Variants in ANKRD11 observed in about 807,000 individuals in gnomAD.
ANKRD11 encodes the protein ankyrin repeat domain-containing protein 11.
ANKRD11 carries 17 observed loss-of-function variants against 195.7 expected under a neutral mutation model. That is an observed-to-expected ratio of 0.09 (90% CI 0.06 to 0.13). The LOEUF (loss-of-function observed/expected upper bound fraction) is 0.13, where lower values mean the gene tolerates loss of function less well. ANKRD11 is among the 10% of genes least tolerant of loss of function. The pLI is 1.00. For synonymous variants in ANKRD11, 1,953 were observed against 1,528.1 expected, an observed-to-expected ratio of 1.28 and a Z score of -6.49; for missense variants, 3,735 against 3,566.1, an observed-to-expected ratio of 1.05 and a Z score of -1.21.
chr16:89,377,812 A>C lies in ANKRD11; in HGVS notation c.-60+40472T>G, dbSNP rs3114918. ...TAGAGAAATGACAAAGCACTTCGTA[A>C]GTTACACCAAATGCGCCTGCCTCTC... On this transcript the variant is annotated intron_variant, in intron 2 of 12. Coordinates refer to ENST00000301030, the MANE Select transcript of ANKRD11 (RefSeq NM_013275.6). Among the ~76,000 whole-genome samples the C allele has an allele frequency of 6.6e-3, 1,000 of 152,216 alleles. 5 individuals carry two copies. Among genetic ancestry groups the C allele is most frequent in the Non-Finnish European group, 0.011 (741 of 68,006 alleles).
intron 2 of ANKRD11, among the ~76,000 whole-genome samples, chr16:89,347,132 G>A (rs1026062944): frequency 6.6e-6 from 1 of 152,182 alleles, no homozygotes; most frequent in Non-Finnish European, 1.5e-5. Context: ...GTTGGTCCGG[G>A]CATCAGAGGA....
intron 9 of ANKRD11, among the ~76,000 whole-genome samples, 184 bp from the exon 10 acceptor site, chr16:89,275,375 C>T (rs191797976): frequency 5.3e-5 from 8 of 152,328 alleles, no homozygotes; most frequent in East Asian, 1.9e-4. Flanking sequence ...GTGCTGGACG[C>T]GGGAGAGCGG....
rs71134215 is a variant in ANKRD11, at chr16:89,388,293, A to ATTTTTTTTTTTTTTTT, written c.-60+29975_-60+29990dup. 4.8e-4 allele frequency among the ~76,000 whole-genome samples: 41 copies of ATTTTTTTTTTTTTTTT among 85,294 alleles called. 3 individuals carry two copies. Among genetic ancestry groups the ATTTTTTTTTTTTTTTT allele is most frequent in the African/African-American group, 1.6e-3 (37 of 23,356 alleles). The allele number at this position is 85,294 out of a possible 152,430, so 56.0% of individuals were successfully genotyped here. A position where few individuals can be genotyped will look rare whatever the true frequency, so the allele number is the denominator to read the frequency against. On this transcript the variant is annotated intron_variant, in intron 2 of 12. Coordinates refer to ENST00000301030, the MANE Select transcript of ANKRD11 (RefSeq NM_013275.6). ...GTGCTCTCTTCTCTCCATGAGGCTG[A>ATTTTTTTTTTTTTTTT]TTTTTTTTTTTTTTTTTTTTTTGAG...
chr16:89,398,717 C>G (rs934349417), intron 2 of ANKRD11, among the ~76,000 whole-genome samples: 1 of 152,058 alleles, frequency 6.6e-6, no homozygotes, highest in Non-Finnish European at 1.5e-5. Flanking sequence ...GCACTCCAGC[C>G]TCAGTGACAG....
chr16:89,460,257 A>G (rs1465644331), intron 1 of ANKRD11, among the ~76,000 whole-genome samples: 1 of 152,102 alleles, frequency 6.6e-6, no homozygotes, highest in Admixed American at 6.5e-5. Context: ...AAGAACAAAA[A>G]ACATTAAAAA....
chr16:89,487,992 C>T (rs1209333799), intron 1 of ANKRD11, among the ~76,000 whole-genome samples: 14 of 151,910 alleles, frequency 9.2e-5, no homozygotes, highest in Admixed American at 9.2e-4. Flanking sequence ...ATGGCCAGTC[C>T]GGAGAAAAGC....
intron 3 of ANKRD11, among the ~76,000 whole-genome samples, chr16:89,310,189 G>C (rs2036532165): frequency 1.3e-5 from 2 of 152,226 alleles, no homozygotes; most frequent in South Asian, 4.1e-4. Context: ...AGCTGCCTTG[G>C]TATCCAAACT....
At chr16:89,363,378 T>C (rs954065602) in intron 2 of ANKRD11, among the ~76,000 whole-genome samples, 1 of 151,982 alleles carries the variant, frequency 6.6e-6, no homozygotes, top group South Asian at 2.1e-4. Context: ...TAATGCTAAA[T>C]GACGAGTTAA....
intron 7 of ANKRD11, chr16:89,288,185 G>C: frequency 1.6e-6 from 1 of 608,768 alleles, no homozygotes; most frequent in Non-Finnish European, 2.9e-6. Flanking sequence ...AGGTCTAACA[G>C]TCCCACAGTG....
chr16:89,378,910 G>C (rs1342692289), intron 2 of ANKRD11, among the ~76,000 whole-genome samples: 2 of 152,006 alleles, frequency 1.3e-5, no homozygotes, highest in Non-Finnish European at 2.9e-5. Context: ...CCTCTTCAGG[G>C]GTTGGTGGGT....
At chr16:89,382,637 GA>G (rs1362886915) in intron 2 of ANKRD11, among the ~76,000 whole-genome samples, 2 of 150,922 alleles carry the variant, frequency 1.3e-5, no homozygotes, top group African/African-American at 2.4e-5. Flanking sequence ...ACACTTGGCC[GA>G]CAAATAAACA....
At chr16:89,455,362 C>T (rs796528284) in intron 1 of ANKRD11, among the ~76,000 whole-genome samples, 5 of 152,254 alleles carry the variant, frequency 3.3e-5, no homozygotes, top group African/African-American at 9.6e-5. Context: ...GTTCCTCATG[C>T]TATCTCCCCT....
intron 2 of ANKRD11, among the ~76,000 whole-genome samples, chr16:89,415,800 G>A (rs1374642144): frequency 9.2e-6 from 1 of 109,038 alleles, no homozygotes; most frequent in Non-Finnish European, 1.9e-5. Context: ...TACACTCCAG[G>A]CCCTGCACAA....
At chr16:89,476,499 G>A (rs995148823) in intron 1 of ANKRD11, among the ~76,000 whole-genome samples, 8 of 152,200 alleles carry the variant, frequency 5.3e-5, no homozygotes, top group Admixed American at 3.9e-4. Context: ...ACCAGGAGAG[G>A]TGCCTGGACC....
chr16:89,359,376 C>A (rs931031553), intron 2 of ANKRD11, among the ~76,000 whole-genome samples: 3 of 152,220 alleles, frequency 2.0e-5, no homozygotes, highest in African/African-American at 7.2e-5. Flanking sequence ...TCCCAGGGAA[C>A]TGCAGCCAGC....
rs1381795153 is a variant in ANKRD11 at position 89,280,831 on chromosome 16, T to C, written c.5711A>G (p.Glu1904Gly). ...GTCCAGGTCCGGGGGAAGGGCCCCT[T>C]CGAGGGAAGGAACCAGCAGCTCGGC... ...PRAELLVPSL[E>G]GALPPDLDTS... is the part of the protein sequence containing the mutation. Residue 1904 changes from glutamate to glycine, a missense_variant, in exon 9 of 13, where the codon GAA becomes GGA. By Grantham distance (98) the Glu-to-Gly change is moderately conservative (BLOSUM62 -2). Coordinates refer to ENST00000301030, the MANE Select transcript of ANKRD11 (RefSeq NM_013275.6). 6.2e-7 allele frequency: 1 copy of C among 1,601,094 alleles called. No homozygotes were observed. Among genetic ancestry groups the C allele is most frequent in the Non-Finnish European group, 8.5e-7 (1 of 1,170,284 alleles).
At chr16:89,333,091 C>A (rs893800839) in intron 2 of ANKRD11, among the ~76,000 whole-genome samples, 1 of 152,186 alleles carries the variant, frequency 6.6e-6, no homozygotes, top group Non-Finnish European at 1.5e-5. Flanking sequence ...ACGCCTGCCC[C>A]CTGGTGTGAG....
intron 2 of ANKRD11, among the ~76,000 whole-genome samples, chr16:89,353,207 T>C (rs12921572): frequency 0.33 from 50,098 of 151,698 alleles, 10,626 homozygotes; most frequent in Middle Eastern, 0.54. Flanking sequence ...CCGTGCATGG[T>C]GGCAGACGCC....
rs894949723 is a variant in ANKRD11 at position 89,282,188 on chromosome 16, C to T, written c.4354G>A (p.Ala1452Thr). ...EKELKPYGSSAINILKEKKKR... is the reference protein window; with the variant it reads ...EKELKPYGSSTINILKEKKKR... Reference sequence around the variant, plus strand: ...TTCTTCTCTTTTAGGATGTTGATGGCACTAGATCCATAAGGCTTTAGTTCC... The same window carrying T: ...TTCTTCTCTTTTAGGATGTTGATGGTACTAGATCCATAAGGCTTTAGTTCC... Residue 1452 changes from alanine (A) to threonine (T), a missense_variant, in exon 9 of 13, where the codon GCC (alanine) becomes ACC (threonine). Physicochemically the swap from Ala to Thr is moderately conservative, Grantham distance 58 (BLOSUM62 0). Coordinates refer to ENST00000301030, the MANE Select transcript of ANKRD11 (RefSeq NM_013275.6). 6.2e-7 allele frequency: 1 copy of T among 1,614,098 alleles called. No individual in the cohort carries two copies. The highest frequency in any genetic ancestry group is 8.5e-7 in the Non-Finnish European group (1 of 1,180,018).
Sources: allele counts gnomAD v4.1 joint callset (sites outside exome capture counted in the v4.1 genomes callset), GRCh38; gene constraint gnomAD v4.1.1; transcripts MANE v1.5; gene names NCBI Gene and HGNC (gene_info 2026-07-23, HGNC 2026-07-21).